Variants in NLGN1 observed in about 807,000 individuals in gnomAD.
NLGN1 encodes the protein neuroligin 1, also known as neuroligin-1.
NLGN1 carries 12 observed loss-of-function variants against 65.5 expected under a neutral mutation model. The ratio of observed to expected loss-of-function variants is 0.18; its 90% CI spans 0.12 to 0.30. The LOEUF (loss-of-function observed/expected upper bound fraction) is 0.30, where lower values mean the gene tolerates loss of function less well. Among genes scored for constraint, NLGN1 ranks in the 10% least tolerant of loss-of-function variants. The probability of loss-of-function intolerance (pLI) is 1.00; values close to 1 mark genes in which losing one functional copy is unlikely to be tolerated. For synonymous variants in NLGN1, 350 were observed against 359.5 expected (o/e 0.97, Z 0.30); for missense variants, 750 against 1,007.1 (o/e 0.74, Z 3.46).
At chr3:173,734,532 G>T (rs1773432876) in intron 3 of NLGN1, among the ~76,000 whole-genome samples, 1 of 151,344 alleles carries the variant, frequency 6.6e-6, no homozygotes, top group Non-Finnish European at 1.5e-5. Flanking sequence ...AAGTGGCTGG[G>T]ACTACAGGAG....
intron 2 of NLGN1, among the ~76,000 whole-genome samples, chr3:173,443,682 G>A (rs1407416900): frequency 1.3e-5 from 2 of 152,078 alleles, no homozygotes; most frequent in African/African-American, 4.8e-5. Flanking sequence ...GAAGAAAAAC[G>A]TGTAAACATT....
intron 3 of NLGN1, 65 bp from the exon 4 acceptor site, chr3:173,807,615 T>G: frequency 6.5e-7 from 1 of 1,540,770 alleles, no homozygotes; most frequent in Non-Finnish European, 8.8e-7. Context: ...ATGGAAAATG[T>G]ATTCTCTGCT....
intron 4 of NLGN1, among the ~76,000 whole-genome samples, chr3:174,030,301 T>C (rs1244499360): frequency 6.6e-6 from 1 of 151,942 alleles, no homozygotes; most frequent in Admixed American, 6.6e-5. Context: ...AATTTTTGTA[T>C]TTTTAGTAGA....
chr3:173,493,581 G>T (rs539089470), intron 2 of NLGN1, among the ~76,000 whole-genome samples: 5 of 151,806 alleles, frequency 3.3e-5, no homozygotes, highest in East Asian at 3.9e-4. Context: ...TCCAAGTCCT[G>T]TACATTCATA....
At chr3:174,130,200 C>G (rs1719867824) in intron 4 of NLGN1, among the ~76,000 whole-genome samples, 1 of 152,114 alleles carries the variant, frequency 6.6e-6, no homozygotes, top group Non-Finnish European at 1.5e-5. Context: ...CAAGGAAACC[C>G]CGTCTCTACT....
In NLGN1 at chr3:174,274,162, G is replaced by T. The variant is rs1011418748; in HGVS notation, c.647-1153G>T. Among the ~76,000 whole-genome samples, 4 of 150,794 alleles carry T rather than the reference G, an allele frequency of 2.7e-5. No individual in the cohort carries two copies. In the South Asian group the frequency reaches 8.3e-4, roughly 31 times the overall value. ...TAATATAATCAATTTATATCTAATA[G>T]GACTCTAAATATTTTCTACATAATA... is the stretch of plus-strand genomic sequence containing the variant. On this transcript the variant is annotated intron_variant, in intron 4 of 6. Coordinates refer to ENST00000457714, the Ensembl canonical transcript of NLGN1.
chr3:173,421,191 T>C (rs1714974529), intron 1 of NLGN1, among the ~76,000 whole-genome samples: 1 of 152,100 alleles, frequency 6.6e-6, no homozygotes, highest in Non-Finnish European at 1.5e-5. Context: ...ATCATTTTTA[T>C]TATATACTTT....
chr3:173,950,680 G>A (rs1748025537), intron 4 of NLGN1, among the ~76,000 whole-genome samples: 1 of 151,498 alleles, frequency 6.6e-6, no homozygotes, highest in African/African-American at 2.4e-5. Context: ...GGGTGTGGTG[G>A]TGCACACCTA....
At chr3:174,056,116 A>C (rs1173935242) in intron 4 of NLGN1, among the ~76,000 whole-genome samples, 1 of 152,196 alleles carries the variant, frequency 6.6e-6, no homozygotes, top group Middle Eastern at 3.4e-3. Flanking sequence ...TATAACCTAA[A>C]GCTTAGAGGG....
At chr3:173,532,587 T>C (rs1736763389) in intron 2 of NLGN1, among the ~76,000 whole-genome samples, 1 of 152,228 alleles carries the variant, frequency 6.6e-6, no homozygotes, top group Non-Finnish European at 1.5e-5. Context: ...ATAAATTGTC[T>C]GTTTCATCAT....
At chr3:174,035,461 G>A (rs527627317) in intron 4 of NLGN1, among the ~76,000 whole-genome samples, 4 of 152,178 alleles carry the variant, frequency 2.6e-5, no homozygotes, top group Non-Finnish European at 5.9e-5. Flanking sequence ...TGTGGTCTGT[G>A]GCTATCTTGT....
At chr3:173,947,684 TCA>T (rs890571727) in intron 4 of NLGN1, among the ~76,000 whole-genome samples, 4 of 152,174 alleles carry the variant, frequency 2.6e-5, no homozygotes, top group Non-Finnish European at 5.9e-5. Flanking sequence ...TCATGAACAT[TCA>T]CTTAGAATTT....
chr3:173,422,093 A>G (rs1715188144), intron 1 of NLGN1, among the ~76,000 whole-genome samples: 1 of 151,960 alleles, frequency 6.6e-6, no homozygotes, highest in Non-Finnish European at 1.5e-5. Context: ...ATATGTGTGT[A>G]TATATATGTG....
chr3:174,103,233 G>T (rs957738354), intron 4 of NLGN1, among the ~76,000 whole-genome samples: 4 of 152,086 alleles, frequency 2.6e-5, no homozygotes, highest in African/African-American at 9.7e-5. Flanking sequence ...GAAAGGTTTT[G>T]ATTAAACATA....
rs1502460 is a variant in NLGN1, at chr3:173,639,191, C to T, written c.493+34100C>T. Among the ~76,000 whole-genome samples, 13 of 152,166 alleles carry T rather than the reference C, an allele frequency of 8.5e-5. No homozygotes were observed. In the East Asian group the frequency reaches 1.2e-3, roughly 14 times the overall value. On this transcript the variant is annotated intron_variant, in intron 3 of 6. Transcript: ENST00000457714. ...AAGAATAAAATATTCAAGCAATAAA[C>T]AATTTTCCTGGCCTGCATGTTCTTT...
At chr3:174,225,357 G>A (rs1739427708) in intron 4 of NLGN1, among the ~76,000 whole-genome samples, 1 of 152,124 alleles carries the variant, frequency 6.6e-6, no homozygotes, top group African/African-American at 2.4e-5. Context: ...TTTAGCAACC[G>A]GTATCTGGTC....
rs373773943 is a variant in NLGN1, at chr3:173,900,595, G to A, written c.646+92763G>A. ...TCTTTTTAGTTTTTCATAAGAATGG[G>A]AGCAGAGAAAAAGGGAATTTAACTT... On this transcript the variant is annotated intron_variant, in intron 4 of 6. Transcript: ENST00000457714. 6.6e-5 allele frequency among the ~76,000 whole-genome samples: 10 copies of A among 151,990 alleles called. No homozygotes were observed. The East Asian group carries it at 9.7e-4, about 15-fold the overall frequency.
chr3:173,428,175 A>C (rs1413654128), intron 1 of NLGN1, among the ~76,000 whole-genome samples: 1 of 150,178 alleles, frequency 6.7e-6, no homozygotes, highest in Non-Finnish European at 1.5e-5. Flanking sequence ...TTTCTCCTTC[A>C]CTTTTAGTCT....
At chr3:174,012,779 T>C (rs931305809) in intron 4 of NLGN1, among the ~76,000 whole-genome samples, 2 of 152,188 alleles carry the variant, frequency 1.3e-5, no homozygotes, top group African/African-American at 4.8e-5. Context: ...AGGACCACAT[T>C]CTCCTTGTCA....
Sources: allele counts gnomAD v4.1 joint callset (sites outside exome capture counted in the v4.1 genomes callset), GRCh38; gene constraint gnomAD v4.1.1; transcripts MANE v1.5; gene names NCBI Gene and HGNC (gene_info 2026-07-23, HGNC 2026-07-21).